The following CNNM2 variants were observed in gnomAD, a reference collection of about 807,000 sequenced individuals.
CNNM2 encodes the protein cyclin and CBS domain divalent metal cation transport mediator 2.
Under a neutral mutation model 66.9 loss-of-function variants are expected in CNNM2, and 12 were observed. The ratio of observed to expected loss-of-function variants is 0.18; its 90% confidence interval spans 0.11 to 0.29. The LOEUF is 0.29. Ranked by LOEUF, CNNM2 falls within the 10% of genes least tolerant of loss-of-function variation. The pLI is 1.00. For missense variants in CNNM2, 705 were observed against 1,167.7 expected, an observed-to-expected ratio of 0.60 and a Z score of 5.77; for synonymous variants, 557 against 501.8, an observed-to-expected ratio of 1.11 and a Z score of -1.47.
At chr10:102,996,471 G>A (rs2064006646) in intron 1 of CNNM2, among the ~76,000 whole-genome samples, 1 of 152,212 alleles carries the variant, frequency 6.6e-6, no homozygotes, top group African/African-American at 2.4e-5. Flanking sequence ...TTGGGAGGCT[G>A]AGGCCAAAAG....
chr10:102,974,025 T>G lies in CNNM2; in HGVS notation c.1621+53924T>G, dbSNP rs566878118. On this transcript the variant is annotated intron_variant, in intron 1 of 7. Coordinates refer to ENST00000369878, the MANE Select transcript of CNNM2 (RefSeq NM_017649.5). ...CTATTGACAAAGAACAGGGAAGTTT[T>G]TTTGGAACTCTGGGGTTTTAAGAAA... 3.3e-5 allele frequency among the ~76,000 whole-genome samples: 5 copies of G among 152,358 alleles called. No individual in the cohort carries two copies. The South Asian group carries it at 1.0e-3, about 32-fold the overall frequency.
intron 3 of CNNM2, among the ~76,000 whole-genome samples, chr10:103,056,055 T>A (rs1377056084): frequency 6.7e-6 from 1 of 149,954 alleles, no homozygotes. Context: ...GTCACTGCAC[T>A]CCAGCCTGGG....
At chr10:103,027,520 G>A (rs943536303) in intron 1 of CNNM2, 2 of 152,096 alleles carry the variant, frequency 1.3e-5, no homozygotes, top group African/African-American at 4.8e-5. Context: ...GCAAAATTTT[G>A]GTATTGAGAA....
intron 1 of CNNM2, among the ~76,000 whole-genome samples, chr10:102,970,006 A>G (rs887350319): frequency 6.6e-6 from 1 of 152,212 alleles, no homozygotes. Flanking sequence ...TCCAGACACT[A>G]TTTTATTAGA....
intron 1 of CNNM2, among the ~76,000 whole-genome samples, chr10:102,949,125 C>G (rs1212375460): frequency 6.6e-6 from 1 of 152,150 alleles, no homozygotes; most frequent in Non-Finnish European, 1.5e-5. Flanking sequence ...TAAATTTAGG[C>G]AATGGACTCA....
At chr10:103,006,230 G>A (rs1218400700) in intron 1 of CNNM2, among the ~76,000 whole-genome samples, 1 of 148,894 alleles carries the variant, frequency 6.7e-6, no homozygotes, top group Non-Finnish European at 1.5e-5. Context: ...TTTTTGAGAT[G>A]GAGTCTGGCT....
rs546991542 is a variant in CNNM2, at chr10:103,082,865, T to G, written c.*5685T>G. Reference sequence around the variant, plus strand: ...CTTGGTGACAGGCTCTCTTCCCCTATGTAGGGTACAGTACAGCTGTGAGTC... The same window carrying G: ...CTTGGTGACAGGCTCTCTTCCCCTAGGTAGGGTACAGTACAGCTGTGAGTC... On this transcript the variant is annotated 3_prime_UTR_variant, in exon 8 of 8. Transcript: ENST00000369878. 1 of 152,290 alleles carries G rather than the reference T, an allele frequency of 6.6e-6. No individual in the cohort carries two copies. The highest frequency in any genetic ancestry group is 2.4e-5 in the African/African-American group (1 of 41,448). The allele number at this position is 152,290 out of a possible 1,614,324, so 9.4% of individuals were successfully genotyped here. A position where few individuals can be genotyped will look rare whatever the true frequency, so the allele number is the denominator to read the frequency against.
At chr10:103,057,634 C>G (rs915645242) in intron 4 of CNNM2, among the ~76,000 whole-genome samples, 1 of 151,988 alleles carries the variant, frequency 6.6e-6, no homozygotes, top group African/African-American at 2.4e-5. Flanking sequence ...GGTCCTTTTT[C>G]CATCCTTTTT....
At chr10:103,024,943 C>A (rs989601782) in intron 1 of CNNM2, among the ~76,000 whole-genome samples, 1 of 152,186 alleles carries the variant, frequency 6.6e-6, no homozygotes, top group African/African-American at 2.4e-5. Context: ...TAAACACCTT[C>A]ATCAGTAATA....
intron 1 of CNNM2, among the ~76,000 whole-genome samples, chr10:103,006,496 A>C (rs1320729963): frequency 6.6e-6 from 1 of 151,654 alleles, no homozygotes; most frequent in African/African-American, 2.4e-5. Context: ...GTGAACCACC[A>C]CTCCTGGCCT....
intron 1 of CNNM2, among the ~76,000 whole-genome samples, chr10:102,970,735 C>G (rs1384185157): frequency 6.6e-6 from 1 of 152,160 alleles, no homozygotes; most frequent in Admixed American, 6.5e-5. Flanking sequence ...CAGTTCACCC[C>G]CCTTCTTCAG....
intron 1 of CNNM2, among the ~76,000 whole-genome samples, chr10:102,939,827 T>C (rs1846362019): frequency 6.6e-6 from 1 of 151,934 alleles, no homozygotes; most frequent in East Asian, 1.9e-4. Context: ...AAAAATCAGC[T>C]GGGCGTGGCG....
rs1156671662 is a variant in CNNM2, at chr10:102,918,319, C to T, written c.-162C>T. ...CCCTCCCTCTTTCCCTCCCGCGAGC[C>T]TCGGGGTTCCTCAGCTGGCTGAGGT... On this transcript the variant is annotated 5_prime_UTR_variant, in exon 1 of 8. Transcript: ENST00000369878. The surrounding 1 kb of genome is among the most constrained non-coding windows in gnomAD (Gnocchi z 4.1). 8.8e-6 allele frequency: 11 copies of T among 1,249,854 alleles called. No individual in the cohort carries two copies. The highest frequency in any genetic ancestry group is 3.0e-5 in the East Asian group (1 of 33,336). The allele number at this position is 1,249,854 out of a possible 1,614,324, so 77.4% of individuals were successfully genotyped here.
intron 1 of CNNM2, among the ~76,000 whole-genome samples, chr10:103,041,883 G>A (rs185218673): frequency 8.5e-5 from 13 of 152,102 alleles, no homozygotes; most frequent in Admixed American, 2.0e-4. Flanking sequence ...CATGCTTAGC[G>A]CTGGCTCTTT....
chr10:102,967,912 G>T (rs2063490042), intron 1 of CNNM2, among the ~76,000 whole-genome samples: 2 of 152,216 alleles, frequency 1.3e-5, no homozygotes. Context: ...GGAGGCTGAG[G>T]CAGGAGAATC....
At chr10:103,029,851 G>A (rs1208550318) in intron 1 of CNNM2, among the ~76,000 whole-genome samples, 5 of 145,718 alleles carry the variant, frequency 3.4e-5, no homozygotes. Flanking sequence ...GGGAGACAGA[G>A]CAAGACTCCG....
chr10:102,983,229 T>C (rs1287275934), intron 1 of CNNM2, among the ~76,000 whole-genome samples: 1 of 151,276 alleles, frequency 6.6e-6, no homozygotes, highest in Non-Finnish European at 1.5e-5. Context: ...TTTGCTTTTT[T>C]GATAATTAAG....
chr10:103,043,421 T>G (rs1399276970), intron 1 of CNNM2, among the ~76,000 whole-genome samples: 2 of 152,200 alleles, frequency 1.3e-5, no homozygotes, highest in Non-Finnish European at 2.9e-5. Context: ...CAAGTCCATA[T>G]TTTCATCTGG....
chr10:102,924,043 A>G (rs971365003), intron 1 of CNNM2, among the ~76,000 whole-genome samples: 5 of 152,230 alleles, frequency 3.3e-5, no homozygotes, highest in African/African-American at 7.2e-5. Context: ...CCATGCAAGG[A>G]ACCTTTCTCT....
Sources: allele counts gnomAD v4.1 joint callset (sites outside exome capture counted in the v4.1 genomes callset), GRCh38; gene constraint gnomAD v4.1.1; non-coding constraint Gnocchi (gnomAD v3.1); transcripts MANE v1.5; gene names NCBI Gene and HGNC (gene_info 2026-07-23, HGNC 2026-07-21).